Variants in ZNF843 observed in about 807,000 individuals in gnomAD.
ZNF843 encodes zinc finger protein 843.
For missense variants in ZNF843, 482 were observed against 469.4 expected (o/e 1.03, Z -0.25); for synonymous variants, 185 against 207.7 (o/e 0.89, Z 0.94).
chr16:31,440,186 TA>T (rs1464384196), intron 1 of ZNF843, among the ~76,000 whole-genome samples: 1 of 152,190 alleles, frequency 6.6e-6, no homozygotes, highest in Non-Finnish European at 1.5e-5. Context: ...ATATATACGG[TA>T]AAAAAATTTT....
Position 31,436,043 on chromosome 16 carries a change from G to A in ZNF843, c.807C>T (p.Pro269=). ...PAAQQEGAMG[P]RSCASAGRDS... The stretch of plus-strand genomic sequence containing the variant: ...CCCGTCCCGCGCTCGCACAGCTTCT[G>A]GGCCCCATCGCCCCCTCCTGCTGAG... The change falls in exon 2 of 2, where the codon CCC becomes CCT. Residue 269 remains proline (P), a synonymous_variant. Transcript: ENST00000315678. The A allele has an allele frequency of 1.3e-6, 2 of 1,540,722 alleles. No individual in the cohort carries two copies. Among genetic ancestry groups the A allele is most frequent in the Middle Eastern group, 1.8e-4 (1 of 5,500 alleles).
chr16:31,441,592 C>G (rs1311681891), intron 1 of ZNF843, among the ~76,000 whole-genome samples: 1 of 152,104 alleles, frequency 6.6e-6, no homozygotes, highest in Admixed American at 6.6e-5. Context: ...TCAAGCGGTC[C>G]TCCCTCAGCC....
Position 31,436,425 on chromosome 16 carries a change from ACT to A in ZNF843, c.423_424del (p.Arg141SerfsTer11), listed in dbSNP as rs1214196052. 1.3e-6 allele frequency: 2 copies of A among 1,551,244 alleles called. No homozygotes were observed. The highest frequency in any genetic ancestry group is 1.4e-5 in the African/African-American group (1 of 72,968). On this transcript the variant is annotated frameshift_variant, in exon 2 of 2. Coordinates refer to ENST00000315678, the MANE Select transcript of ZNF843 (RefSeq NM_001136509.3). LOFTEE classifies it low-confidence loss of function (END_TRUNC). Reference sequence around the variant, plus strand: ...GCAGCTGCAGCAGCAGAAGGGACACACTCTCCTGTGTGAATTCGCTGGTGGCC... The same window carrying A: ...GCAGCTGCAGCAGCAGAAGGGACACACTCCTGTGTGAATTCGCTGGTGGCC...
intron 1 of ZNF843, among the ~76,000 whole-genome samples, chr16:31,439,163 A>G (rs1260752087): frequency 1.3e-5 from 2 of 152,220 alleles, no homozygotes; most frequent in East Asian, 3.8e-4. Flanking sequence ...ATACAAAAAA[A>G]GTGATGTGCT....
In ZNF843 at chr16:31,436,745, G is replaced by A. The variant is rs1004723721; in HGVS notation, c.105C>T (p.Cys35=). Residue 35 remains cysteine (C), a synonymous_variant, in exon 2 of 2, where the codon TGC becomes TGT. Transcript: ENST00000315678. ...RFTQGRQPCK[C]KACGRGFTQS... The stretch of plus-strand genomic sequence containing the variant: ...GAGTAAAACCCCTCCCGCAGGCCTT[G>A]CACTTGCAGGGCTGACGGCCCTGGG... The A allele has an allele frequency of 6.4e-7, 1 of 1,551,668 alleles. No homozygotes were observed. The highest frequency in any genetic ancestry group is 2.4e-5 in the East Asian group (1 of 40,940).
At position 31,438,046 on chromosome 16, in the gene ZNF843, A is replaced by G. The variant is rs147561654; in HGVS notation, c.-335-862T>C. The stretch of plus-strand genomic sequence containing the variant: ...GAAAGTGTAGCAAGAGGCTGGGCGC[A>G]GTGGCTCATGCCTATAATCCTAGCA... On this transcript the variant is annotated intron_variant, in intron 1 of 1. Coordinates refer to ENST00000315678, the MANE Select transcript of ZNF843 (RefSeq NM_001136509.3). Among the ~76,000 whole-genome samples, 900 of 152,248 alleles carry G rather than the reference A, an allele frequency of 5.9e-3. 7 individuals are homozygous for G. Among genetic ancestry groups the G allele is most frequent in the African/African-American group, 0.021 (867 of 41,562 alleles).
intron 1 of ZNF843, among the ~76,000 whole-genome samples, chr16:31,440,507 T>C (rs979588370): frequency 1.3e-5 from 2 of 152,236 alleles, no homozygotes; most frequent in African/African-American, 4.8e-5. Flanking sequence ...ATGATCTATT[T>C]TAATGGCTTT....
At position 31,437,151 on chromosome 16, in the gene ZNF843, G is replaced by A. The variant is rs1316359835; in HGVS notation, c.-302C>T. 3.1e-6 allele frequency: 1 copy of A among 324,254 alleles called. No homozygotes were observed. The highest frequency in any genetic ancestry group is 2.1e-5 in the African/African-American group (1 of 47,008). 20.1% of individuals were successfully genotyped at this position (324,254 alleles called of 1,614,324 possible). A position where few individuals can be genotyped will look rare whatever the true frequency, so the allele number is the denominator to read the frequency against. Reference sequence around the variant, plus strand: ...ACTGCCGTGTCCAGTTCCTGCGGAAGGAAAGATTTCAGATCCCAGAGCCAT... The same window carrying A: ...ACTGCCGTGTCCAGTTCCTGCGGAAAGAAAGATTTCAGATCCCAGAGCCAT... On this transcript the variant is annotated 5_prime_UTR_variant, in exon 2 of 2. Transcript: ENST00000315678.
chr16:31,436,089 G>A lies in ZNF843; in HGVS notation c.761C>T (p.Pro254Leu), dbSNP rs2082179142. The A allele has an allele frequency of 3.2e-6, 5 of 1,550,162 alleles. No homozygotes were observed. In the African/African-American group the frequency reaches 5.5e-5, roughly 17 times the overall value. The change falls in exon 2 of 2, where the codon CCG becomes CTG. Residue 254 changes from proline to leucine, a missense_variant. By Grantham distance (98) the Pro-to-Leu change is moderately conservative. Coordinates refer to ENST00000315678, the MANE Select transcript of ZNF843 (RefSeq NM_001136509.3). Reference protein sequence around the residue: ...PLGGLEVAQVPPATQPAAQQE... With the variant: ...PLGGLEVAQVLPATQPAAQQE... The stretch of plus-strand genomic sequence containing the variant: ...CTGAGCTGCCGGCTGGGTGGCTGGC[G>A]GAACCTGGGCAACTTCCAGGCCTCC...
In ZNF843 at chr16:31,435,452, T is replaced by G. The variant is rs1444956483; in HGVS notation, c.*351A>C. The G allele has an allele frequency of 5.8e-6, 1 of 172,884 alleles. No homozygotes were observed. The highest frequency in any genetic ancestry group is 2.4e-5 in the African/African-American group (1 of 42,108). The allele number at this position is 172,884 out of a possible 1,614,324, so 10.7% of individuals were successfully genotyped here. A position where few individuals can be genotyped will look rare whatever the true frequency, so the allele number is the denominator to read the frequency against. On this transcript the variant is annotated 3_prime_UTR_variant, in exon 2 of 2. Coordinates refer to ENST00000315678, the MANE Select transcript of ZNF843 (RefSeq NM_001136509.3). Reference sequence around the variant, plus strand: ...TACAGGCCAGCGCCACCACACCAGCTCGTTTTATTTTTATTTCACAGAGAT... The same window carrying G: ...TACAGGCCAGCGCCACCACACCAGCGCGTTTTATTTTTATTTCACAGAGAT...
At position 31,439,647 on chromosome 16, in the gene ZNF843, A is replaced by G. The variant is rs145527035; in HGVS notation, c.-335-2463T>C. 4.9e-3 allele frequency among the ~76,000 whole-genome samples: 748 copies of G among 152,348 alleles called. 10 individuals carry two copies. The highest frequency in any genetic ancestry group is 0.017 in the African/African-American group (699 of 41,586). On this transcript the variant is annotated intron_variant, in intron 1 of 1. Coordinates refer to ENST00000315678, the MANE Select transcript of ZNF843 (RefSeq NM_001136509.3). ...GACACAAGAGAATACATACTATATG[A>G]TTCAATTTCTGTGAAATTCCATTTC...
In ZNF843 at chr16:31,441,767, G is replaced by A. The variant is rs1228550793; in HGVS notation, c.-336+869C>T. 3.3e-5 allele frequency among the ~76,000 whole-genome samples: 5 copies of A among 152,194 alleles called. No individual in the cohort carries two copies. In the East Asian group the frequency reaches 7.7e-4, roughly 23 times the overall value. On this transcript the variant is annotated intron_variant, in intron 1 of 1. Coordinates refer to ENST00000315678, the MANE Select transcript of ZNF843 (RefSeq NM_001136509.3). Reference sequence around the variant, plus strand: ...TTCCCGAAGTGCTGGGATTACAGACGTGAGCCGCAGCGCCCGGCAGAATAC... The same window carrying A: ...TTCCCGAAGTGCTGGGATTACAGACATGAGCCGCAGCGCCCGGCAGAATAC...
In ZNF843 at chr16:31,436,418, G is replaced by A; in HGVS notation, c.432C>T (p.Pro144=). 1 of 1,551,494 alleles carries A rather than the reference G, an allele frequency of 6.4e-7. No homozygotes were observed. Among genetic ancestry groups the A allele is most frequent in the South Asian group, 1.2e-5 (1 of 84,016 alleles). Reference sequence around the variant, plus strand: ...TGTCACCGCAGCTGCAGCAGCAGAAGGGACACACTCTCCTGTGTGAATTCG... The same window carrying A: ...TGTCACCGCAGCTGCAGCAGCAGAAAGGACACACTCTCCTGTGTGAATTCG... ...PPANSHRRVC[P]FCCCSCGDSV... The change falls in exon 2 of 2, where the codon CCC becomes CCT. Residue 144 remains proline, a synonymous_variant. Transcript: ENST00000315678.
chr16:31,436,186 A>G lies in ZNF843; in HGVS notation c.664T>C (p.Tyr222His). The change falls in exon 2 of 2, where the codon TAT (tyrosine) becomes CAT (histidine). Residue 222 changes from tyrosine (Y) to histidine (H), a missense_variant. Transcript: ENST00000315678. The part of the protein sequence containing the change: ...STLLPRPPFL[Y>H]PGPPLSLQPL... Reference sequence around the variant, plus strand: ...TGGAGACTGAGTGGGGGGCCAGGATAAAGGAAGGGAGGTCGGGGCAGGAGT... The same window carrying G: ...TGGAGACTGAGTGGGGGGCCAGGATGAAGGAAGGGAGGTCGGGGCAGGAGT... 2 of 1,536,784 alleles carry G rather than the reference A, an allele frequency of 1.3e-6. No individual in the cohort carries two copies. Among genetic ancestry groups the G allele is most frequent in the South Asian group, 1.2e-5 (1 of 81,944 alleles).
intron 1 of ZNF843, among the ~76,000 whole-genome samples, chr16:31,440,774 G>T (rs2082198685): frequency 6.6e-6 from 1 of 152,198 alleles, no homozygotes. Flanking sequence ...CCTGAGACTG[G>T]TCCAGACTCC....
intron 1 of ZNF843, among the ~76,000 whole-genome samples, chr16:31,438,674 C>A (rs2082191572): frequency 6.6e-6 from 1 of 152,126 alleles, no homozygotes; most frequent in Non-Finnish European, 1.5e-5. Context: ...TGCTGCCACC[C>A]AGTTATTTCC....
Position 31,442,710 on chromosome 16 carries a change from C to T in ZNF843, c.-410G>A, listed in dbSNP as rs2082205930. On this transcript the variant is annotated 5_prime_UTR_variant, in exon 1 of 2. Coordinates refer to ENST00000315678, the MANE Select transcript of ZNF843 (RefSeq NM_001136509.3). The stretch of plus-strand genomic sequence containing the variant: ...GGCCGAGCCGGGAGCGCCCCTGCCC[C>T]GCGAGCCGCCCCCGAGAGACACGGC... 6.6e-6 allele frequency: 1 copy of T among 152,208 alleles called. No homozygotes were observed. The highest frequency in any genetic ancestry group is 1.5e-5 in the Non-Finnish European group (1 of 68,072). 9.4% of individuals were successfully genotyped at this position (152,208 alleles called of 1,614,324 possible).
rs1490588409 is a variant in ZNF843, at chr16:31,435,946, C to A, written c.904G>T (p.Gly302Ter). The change falls in exon 2 of 2, where the codon GGA becomes TGA. Residue 302 changes from glycine to a stop codon, truncating the protein, a stop_gained. Coordinates refer to ENST00000315678, the MANE Select transcript of ZNF843 (RefSeq NM_001136509.3). LOFTEE classifies it low-confidence loss of function (END_TRUNC). ...CTGGCCCTGGCCTCGCCGAGCGGTC[C>A]GGCCGCTCTGTGCTGCGAGGCCTTC... ...ARKASQHRAAGPLGEARARLQ... is the reference protein window; with the variant it reads ...ARKASQHRAA 1 of 1,541,066 alleles carries A rather than the reference C, an allele frequency of 6.5e-7. No individual in the cohort carries two copies. Among genetic ancestry groups the A allele is most frequent in the South Asian group, 1.2e-5 (1 of 82,706 alleles).
At position 31,436,033 on chromosome 16, in the gene ZNF843, C is replaced by A; in HGVS notation, c.817G>T (p.Ala273Ser). ...TCCCGCGAGTCCCGTCCCGCGCTCGCACAGCTTCTGGGCCCCATCGCCCCC... is the reference window on the plus strand; with the variant it reads ...TCCCGCGAGTCCCGTCCCGCGCTCGAACAGCTTCTGGGCCCCATCGCCCCC... ...QEGAMGPRSC[A>S]SAGRDSREAV... The change falls in exon 2 of 2, where the codon GCG (alanine) becomes TCG (serine). Residue 273 changes from alanine (A) to serine (S), a missense_variant. By Grantham distance (99) the Ala-to-Ser change is moderately conservative. Transcript: ENST00000315678. The A allele has an allele frequency of 6.5e-7, 1 of 1,535,818 alleles. No homozygotes were observed.
Sources: allele counts gnomAD v4.1 joint callset (sites outside exome capture counted in the v4.1 genomes callset), GRCh38; gene constraint gnomAD v4.1.1; transcripts MANE v1.5; gene names NCBI Gene and HGNC (gene_info 2026-07-23, HGNC 2026-07-21).